LCLAT1: variants seen among roughly 807,000 people sequenced by gnomAD.
The protein encoded by LCLAT1 is lysocardiolipin acyltransferase 1.
Under a neutral mutation model 30.7 loss-of-function variants are expected in LCLAT1, and 11 were observed. The observed-to-expected ratio is 0.36, with a 90% CI of 0.23 to 0.59. The LOEUF (loss-of-function observed/expected upper bound fraction) is 0.59. LCLAT1 is among the 20% of genes least tolerant of loss of function. The probability of loss-of-function intolerance (pLI) is 0.77; values close to 1 mark genes in which losing one functional copy is unlikely to be tolerated. For synonymous variants in LCLAT1, 155 were observed against 151.3 expected (o/e 1.02, Z -0.18); for missense variants, 402 against 458.6 (o/e 0.88, Z 1.13).
At position 30,609,632 on chromosome 2, in the gene LCLAT1, C is replaced by T. The variant is rs1417797952; in HGVS notation, c.629-30485C>T. ...CTAAATCTCAAGGAACTAGTTTATG[C>T]ATGTGTTATACCAGGATAGCCTTTT... On this transcript the variant is annotated intron_variant, in intron 5 of 5. Transcript: ENST00000379509. Among the ~76,000 whole-genome samples the T allele has an allele frequency of 3.3e-5, 5 of 152,232 alleles. No homozygotes were observed. The South Asian group carries it at 6.2e-4, about 19-fold the overall frequency.
intron 1 of LCLAT1, among the ~76,000 whole-genome samples, chr2:30,509,573 C>CTT (rs531196453): frequency 1.3e-5 from 2 of 149,102 alleles, no homozygotes; most frequent in South Asian, 2.1e-4. Context: ...AAGCAGAATA[C>CTT]TTTTTTTTTT....
chr2:30,614,391 T>C (rs1667891955), intron 5 of LCLAT1, among the ~76,000 whole-genome samples: 1 of 151,848 alleles, frequency 6.6e-6, no homozygotes, highest in South Asian at 2.1e-4. Flanking sequence ...TGTCTACTTC[T>C]TTCTACACAG....
At chr2:30,472,908 G>C (rs1361442875) in intron 1 of LCLAT1, among the ~76,000 whole-genome samples, 3 of 152,110 alleles carry the variant, frequency 2.0e-5, no homozygotes, top group African/African-American at 7.2e-5. Context: ...TTAAGTCACA[G>C]TGATGAGGAA....
rs181398327 is a variant in LCLAT1 at position 30,557,789 on chromosome 2, A to T, written c.365-4357A>T. ...AGTAGGATTGAGGGAAGTGGTGATA[A>T]AGGAGTATTTTTATGTTTTAGTCTA... On this transcript the variant is annotated intron_variant, in intron 3 of 5. Transcript: ENST00000379509. 1.1e-4 allele frequency among the ~76,000 whole-genome samples: 16 copies of T among 152,274 alleles called. No homozygotes were observed. In the East Asian group the frequency reaches 3.1e-3, roughly 29 times the overall value.
intron 5 of LCLAT1, among the ~76,000 whole-genome samples, chr2:30,602,010 T>C (rs746507536): frequency 6.6e-6 from 1 of 152,004 alleles, no homozygotes; most frequent in Non-Finnish European, 1.5e-5. Flanking sequence ...TGCCTAGATA[T>C]GATGAGGGGA....
intron 1 of LCLAT1, among the ~76,000 whole-genome samples, chr2:30,477,721 T>G (rs1387416754): frequency 6.6e-6 from 1 of 152,144 alleles, no homozygotes; most frequent in African/African-American, 2.4e-5. Context: ...AATTGGAGGC[T>G]TTCCTAGTGA....
At chr2:30,633,376 G>C (rs1470240115) in intron 5 of LCLAT1, among the ~76,000 whole-genome samples, 2 of 152,176 alleles carry the variant, frequency 1.3e-5, no homozygotes, top group Non-Finnish European at 2.9e-5. Flanking sequence ...TAAAGCAGGT[G>C]TTAAAATGTA....
At chr2:30,622,125 G>T (rs758731187) in intron 5 of LCLAT1, among the ~76,000 whole-genome samples, 3 of 152,104 alleles carry the variant, frequency 2.0e-5, no homozygotes, top group Non-Finnish European at 4.4e-5. Context: ...CATGGGAACT[G>T]GGTGAGGCCT....
In LCLAT1 at chr2:30,492,544, G is replaced by A. The variant is rs186798471; in HGVS notation, c.-4-33043G>A. On this transcript the variant is annotated intron_variant, in intron 1 of 5. Coordinates refer to ENST00000379509, the MANE Select transcript of LCLAT1 (RefSeq NM_001002257.3). The stretch of plus-strand genomic sequence containing the variant: ...CCTTGAATTTTAACAGTAGGAGTTT[G>A]GACTCTAAGAAGTTAAGAGTTGGGG... Among the ~76,000 whole-genome samples the A allele has an allele frequency of 1.5e-3, 228 of 150,696 alleles. 1 individual carries two copies. Among genetic ancestry groups the A allele is most frequent in the South Asian group, 2.5e-3 (12 of 4,772 alleles).
In LCLAT1 at chr2:30,504,157, CAT is replaced by C. The variant is rs1460868627; in HGVS notation, c.-4-21426_-4-21425del. Among the ~76,000 whole-genome samples the C allele has an allele frequency of 8.6e-5, 13 of 151,918 alleles. No individual in the cohort carries two copies. In the East Asian group the frequency reaches 1.4e-3, roughly 16 times the overall value. On this transcript the variant is annotated intron_variant, in intron 1 of 5. Coordinates refer to ENST00000379509, the MANE Select transcript of LCLAT1 (RefSeq NM_001002257.3). ...ATTACACATATATACACAACATAAACATATACAACATATTACACATAATATGC... is the reference window on the plus strand; with the variant it reads ...ATTACACATATATACACAACATAAACATACAACATATTACACATAATATGC...
chr2:30,530,497 A>G (rs1181987508), intron 2 of LCLAT1, among the ~76,000 whole-genome samples: 4 of 152,334 alleles, frequency 2.6e-5, no homozygotes, highest in South Asian at 2.1e-4. Flanking sequence ...CTGGATGTCA[A>G]GGGAGAGGAT....
intron 3 of LCLAT1, among the ~76,000 whole-genome samples, chr2:30,542,123 T>G (rs1288786364): frequency 6.6e-6 from 1 of 152,216 alleles, no homozygotes; most frequent in Non-Finnish European, 1.5e-5. Flanking sequence ...ATATAGGCTC[T>G]TTATAGATAG....
intron 1 of LCLAT1, among the ~76,000 whole-genome samples, chr2:30,457,975 T>A (rs1300468318): frequency 6.6e-6 from 1 of 152,130 alleles, no homozygotes; most frequent in African/African-American, 2.4e-5. Flanking sequence ...GAATTCTTTT[T>A]AAAAAACTCT....
chr2:30,504,697 C>G (rs543258578), intron 1 of LCLAT1, among the ~76,000 whole-genome samples: 2 of 152,202 alleles, frequency 1.3e-5, no homozygotes, highest in East Asian at 3.9e-4. Context: ...TTTTCCTCTC[C>G]CCTTCCTTTT....
chr2:30,507,332 A>G (rs934336696), intron 1 of LCLAT1, among the ~76,000 whole-genome samples: 2 of 152,154 alleles, frequency 1.3e-5, no homozygotes, highest in Admixed American at 6.5e-5. Flanking sequence ...TTTATTAAAT[A>G]TTTTTATTTA....
At chr2:30,571,284 G>A (rs778620853) in intron 5 of LCLAT1, among the ~76,000 whole-genome samples, 9 of 152,044 alleles carry the variant, frequency 5.9e-5, no homozygotes, top group East Asian at 1.9e-4. Context: ...CAAATTCTTC[G>A]GTTTGTATTC....
At chr2:30,472,611 C>G (rs1682854489) in intron 1 of LCLAT1, among the ~76,000 whole-genome samples, 1 of 152,058 alleles carries the variant, frequency 6.6e-6, no homozygotes, top group Admixed American at 6.6e-5. Flanking sequence ...GTAAAGTGTT[C>G]TGTTGTGTTT....
At chr2:30,627,860 T>C (rs1481182544) in intron 5 of LCLAT1, among the ~76,000 whole-genome samples, 2 of 152,038 alleles carry the variant, frequency 1.3e-5, no homozygotes. Context: ...ATATGATTTT[T>C]ACCAAAACTC....
intron 5 of LCLAT1, among the ~76,000 whole-genome samples, chr2:30,594,803 T>C (rs546895128): frequency 1.1e-3 from 164 of 152,324 alleles, no homozygotes; most frequent in African/African-American, 3.8e-3. Context: ...CCAAGCAGAT[T>C]TTATTGGATA....
Sources: allele counts gnomAD v4.1 joint callset (sites outside exome capture counted in the v4.1 genomes callset), GRCh38; gene constraint gnomAD v4.1.1; transcripts MANE v1.5; gene names NCBI Gene and HGNC (gene_info 2026-07-23, HGNC 2026-07-21).